The following SPATS2L variants were observed in gnomAD, a reference collection of about 807,000 sequenced individuals.
SPATS2L encodes the protein spermatogenesis associated serine rich 2 like.
In SPATS2L, 30 loss-of-function variants were observed where a neutral mutation model predicts 59.6. The ratio of observed to expected loss-of-function variants is 0.50; its 90% CI spans 0.38 to 0.68. The LOEUF (loss-of-function observed/expected upper bound fraction) is 0.68. Among genes scored for constraint, SPATS2L ranks in the 30% least tolerant of loss-of-function variants. The pLI is 0.00. For synonymous variants in SPATS2L, 252 were observed against 263.5 expected (o/e 0.96, Z 0.42); for missense variants, 615 against 700.0 (o/e 0.88, Z 1.37).
In SPATS2L at chr2:200,469,163, A is replaced by AT. The variant is rs35120472; in HGVS notation, c.958-745dup. On this transcript the variant is annotated intron_variant, in intron 10 of 12. Transcript: ENST00000409140. ...ACCAGTGCCTCGTAAGTGTTCAATGATTTTTTCAATGTTCCCTCTTAAATA... is the reference window on the plus strand; with the variant it reads ...ACCAGTGCCTCGTAAGTGTTCAATGATTTTTTTCAATGTTCCCTCTTAAATA... Among the ~76,000 whole-genome samples the AT allele has an allele frequency of 4.6e-5, 7 of 152,298 alleles. No homozygotes were observed. In the East Asian group the frequency reaches 1.3e-3, roughly 29 times the overall value.
intron 2 of SPATS2L, among the ~76,000 whole-genome samples, chr2:200,367,398 A>G (rs185120711): frequency 6.6e-6 from 1 of 152,330 alleles, no homozygotes; most frequent in Non-Finnish European, 1.5e-5. Flanking sequence ...CTAGCAACAC[A>G]CCAGGAAACA....
intron 8 of SPATS2L, among the ~76,000 whole-genome samples, chr2:200,445,649 AT>A (rs2084984128): frequency 6.6e-6 from 1 of 152,234 alleles, no homozygotes; most frequent in African/African-American, 2.4e-5. Flanking sequence ...CTCCTTGGAT[AT>A]CCAGATAATT....
chr2:200,321,168 A>G (rs181055590), intron 1 of SPATS2L, among the ~76,000 whole-genome samples: 41 of 152,076 alleles, frequency 2.7e-4, no homozygotes, highest in Non-Finnish European at 5.0e-4. Context: ...GTGTGTGTGC[A>G]TGTGTATATT....
intron 3 of SPATS2L, among the ~76,000 whole-genome samples, chr2:200,399,777 G>A (rs901318289): frequency 1.3e-5 from 2 of 152,020 alleles, no homozygotes; most frequent in African/African-American, 2.4e-5. Flanking sequence ...TTAAATCATC[G>A]GCTTCCTCTA....
At chr2:200,356,707 A>G (rs943405354) in intron 2 of SPATS2L, among the ~76,000 whole-genome samples, 1 of 152,206 alleles carries the variant, frequency 6.6e-6, no homozygotes, top group Non-Finnish European at 1.5e-5. Flanking sequence ...TTTAGGGATC[A>G]TGGATGTCAG....
chr2:200,457,223 TACACACACAC>T lies in SPATS2L; in HGVS notation c.789-2518_789-2509del, dbSNP rs4035249. ...AGGTTGTAAATAATGAAAACATACA[TACACACACAC>T]ACACACACACACACACACACACACA... On this transcript the variant is annotated intron_variant, in intron 8 of 12. Coordinates refer to ENST00000409140, the MANE Select transcript of SPATS2L (RefSeq NM_001100423.2). Among the ~76,000 whole-genome samples the T allele has an allele frequency of 2.0e-3, 301 of 148,016 alleles. 3 individuals are homozygous for T. Among genetic ancestry groups the T allele is most frequent in the African/African-American group, 5.0e-3 (201 of 40,190 alleles).
At chr2:200,447,359 CAGA>C (rs2085118170) in intron 8 of SPATS2L, among the ~76,000 whole-genome samples, 1 of 152,214 alleles carries the variant, frequency 6.6e-6, no homozygotes, top group Non-Finnish European at 1.5e-5. Flanking sequence ...GCCAAATGAA[CAGA>C]AGGTCTTTTA....
intron 3 of SPATS2L, among the ~76,000 whole-genome samples, chr2:200,406,837 A>G (rs1263443788): frequency 1.3e-5 from 2 of 152,232 alleles, no homozygotes; most frequent in African/African-American, 2.4e-5. Flanking sequence ...AAATAATTAA[A>G]TGAAAGAAGA....
chr2:200,324,552 T>C (rs2079669602), intron 1 of SPATS2L, among the ~76,000 whole-genome samples: 2 of 152,208 alleles, frequency 1.3e-5, no homozygotes, highest in Admixed American at 1.3e-4. Context: ...GTGTCTCCTC[T>C]GCACCAGGCA....
At chr2:200,369,158 A>G (rs559307175) in intron 2 of SPATS2L, among the ~76,000 whole-genome samples, 2 of 151,062 alleles carry the variant, frequency 1.3e-5, no homozygotes, top group African/African-American at 4.8e-5. Flanking sequence ...CATTTATTTT[A>G]TTTATTTATT....
At chr2:200,308,783 A>G (rs1226444853) in intron 1 of SPATS2L, 1 of 417,912 alleles carries the variant, frequency 2.4e-6, no homozygotes, top group Non-Finnish European at 4.2e-6. Flanking sequence ...TCTTTCTTTA[A>G]TCCCTGAAAA....
At position 200,306,930 on chromosome 2, in the gene SPATS2L, C is replaced by T. The variant is rs2079034494; in HGVS notation, c.-73+8C>T. 1.0e-6 allele frequency: 1 copy of T among 982,304 alleles called. No homozygotes were observed. The allele number at this position is 982,304 out of a possible 1,614,324, so 60.8% of individuals were successfully genotyped here. A position where few individuals can be genotyped will look rare whatever the true frequency, so the allele number is the denominator to read the frequency against. ...CCGGCGCTCGACACAGAGGTAAGCC[C>T]AGGACCCCCTCCACGCCGGGCCGGC... On this transcript the variant is annotated splice_region_variant and intron_variant, in intron 1 of 12. Coordinates refer to ENST00000409140, the MANE Select transcript of SPATS2L (RefSeq NM_001100423.2).
chr2:200,370,895 C>T (rs1053132870), intron 2 of SPATS2L, among the ~76,000 whole-genome samples: 3 of 152,078 alleles, frequency 2.0e-5, no homozygotes, highest in African/African-American at 4.8e-5. Context: ...ATTTGCTACC[C>T]GAAAGAACCT....
intron 1 of SPATS2L, chr2:200,308,845 G>T: frequency 1.8e-6 from 1 of 545,456 alleles, no homozygotes; most frequent in African/African-American, 1.9e-5. Context: ...CATTTAGACA[G>T]GCAAAATGAT....
Position 200,329,491 on chromosome 2 carries a change from A to G in SPATS2L, c.-23+11A>G. 6.5e-7 allele frequency: 1 copy of G among 1,549,578 alleles called. No homozygotes were observed. Among genetic ancestry groups the G allele is most frequent in the Non-Finnish European group, 8.7e-7 (1 of 1,146,166 alleles). On this transcript the variant is annotated intron_variant, in intron 2 of 12. Transcript: ENST00000409140. Reference sequence around the variant, plus strand: ...GCTGTGGATTCCCAGGTGAGTAGAGATGGTCCTTCCCTCTCTGTGACCTCC... The same window carrying G: ...GCTGTGGATTCCCAGGTGAGTAGAGGTGGTCCTTCCCTCTCTGTGACCTCC...
At chr2:200,352,666 A>G (rs1487579360) in intron 2 of SPATS2L, among the ~76,000 whole-genome samples, 1 of 152,108 alleles carries the variant, frequency 6.6e-6, no homozygotes, top group Non-Finnish European at 1.5e-5. Flanking sequence ...ATTATAGGAA[A>G]AATCAGGTAG....
intron 2 of SPATS2L, among the ~76,000 whole-genome samples, chr2:200,386,088 G>T (rs1159487956): frequency 6.6e-6 from 1 of 152,186 alleles, no homozygotes; most frequent in Non-Finnish European, 1.5e-5. Context: ...CCAGCTAGCA[G>T]AAAGCTGTGA....
chr2:200,319,704 G>A (rs1368035750), intron 1 of SPATS2L, among the ~76,000 whole-genome samples: 1 of 151,828 alleles, frequency 6.6e-6, no homozygotes, highest in African/African-American at 2.4e-5. Context: ...CAAATATTGT[G>A]TGGGCCTCAC....
chr2:200,338,314 C>T (rs184792803), intron 2 of SPATS2L, among the ~76,000 whole-genome samples: 11 of 152,276 alleles, frequency 7.2e-5, no homozygotes, highest in South Asian at 2.1e-4. Context: ...TGTGAGCCAC[C>T]GTGCCCAGCC....
Sources: allele counts gnomAD v4.1 joint callset (sites outside exome capture counted in the v4.1 genomes callset), GRCh38; gene constraint gnomAD v4.1.1; transcripts MANE v1.5; gene names NCBI Gene and HGNC (gene_info 2026-07-23, HGNC 2026-07-21).